Variants in GALC observed in about 807,000 individuals in gnomAD.
GALC encodes galactosylceramidase.
GALC carries 77 observed loss-of-function variants against 91.8 expected under a neutral mutation model. The ratio of observed to expected loss-of-function variants is 0.84; its 90% CI spans 0.70 to 1.01. GALC has a LOEUF of 1.01. GALC is among the 50% of genes least tolerant of loss of function. The pLI is 0.00. For missense variants in GALC, 882 were observed against 855.9 expected (o/e 1.03, Z -0.38); for synonymous variants, 357 against 306.7 (o/e 1.16, Z -1.71).
intron 16 of GALC, 79 bp downstream of exon 16, chr14:87,939,826 T>C (rs1275828027): frequency 2.0e-6 from 2 of 1,022,176 alleles, no homozygotes; most frequent in Non-Finnish European, 3.1e-6. Context: ...ACTTTCCCCC[T>C]CCTATTTTAT....
chr14:87,993,239 G>A (rs997796714), upstream of GALC: 15 of 1,543,358 alleles, frequency 9.7e-6, no homozygotes, highest in African/African-American at 1.6e-4. Context: ...GCAGGAGGCC[G>A]CTGATGCTGA....
chr14:87,941,481 T>C lies in GALC; in HGVS notation c.1748A>G (p.Asn583Ser). 1 of 1,605,226 alleles carries C rather than the reference T, an allele frequency of 6.2e-7. No individual in the cohort carries two copies. Among genetic ancestry groups the C allele is most frequent in the Non-Finnish European group, 8.5e-7 (1 of 1,172,278 alleles). ...ACTTCTAATCAAAATACCACCTTTA[T>C]TTACTCTTCCTGCAATGAACACACC... ...TGGVFIAGRVNKGGILIRSAR... is the reference protein window; with the variant it reads ...TGGVFIAGRVSKGGILIRSAR... The change falls in exon 15 of 17, where the codon AAT becomes AGT. Residue 583 changes from asparagine (N) to serine (S), a missense_variant. Transcript: ENST00000261304.
At position 87,993,019 on chromosome 14, in the gene GALC, T is replaced by A. The variant is rs758042794; in HGVS notation, c.146A>T (p.Asp49Val). ...GCCGTCGAACTCCCGGCCCAGCCCG[T>A]CGGAGTCGTCGAGCACGTACGCGCC... ...PGGAYVLDDS[D>V]GLGREFDGIG... Residue 49 changes from aspartate to valine, a missense_variant, in exon 1 of 17, where the codon GAC becomes GTC. Physicochemically the swap from Asp to Val is radical, Grantham distance 152. Transcript: ENST00000261304. 10 of 1,545,746 alleles carry A rather than the reference T, an allele frequency of 6.5e-6. No individual in the cohort carries two copies. In the South Asian group the frequency reaches 1.1e-4, roughly 16 times the overall value.
At chr14:87,953,019 G>C (rs1885376289) in intron 10 of GALC, 1 of 1,171,556 alleles carries the variant, frequency 8.5e-7, no homozygotes, top group Non-Finnish European at 1.3e-6. Flanking sequence ...AGCTATGTTG[G>C]ATTTGGTTTG....
chr14:87,961,737 C>T (rs1160789036), intron 10 of GALC, among the ~76,000 whole-genome samples: 1 of 152,124 alleles, frequency 6.6e-6, no homozygotes, highest in Non-Finnish European at 1.5e-5. Flanking sequence ...GAGATGCCTA[C>T]TCACTCTAAG....
intron 10 of GALC, chr14:87,954,580 A>G: frequency 6.3e-7 from 1 of 1,575,694 alleles, no homozygotes; most frequent in Non-Finnish European, 8.7e-7. Flanking sequence ...TTACATTTAA[A>G]GCAAAATTTC....
intron 10 of GALC, chr14:87,953,350 G>C: frequency 1.4e-6 from 2 of 1,420,182 alleles, no homozygotes; most frequent in Non-Finnish European, 2.0e-6. Flanking sequence ...AAGAATATCT[G>C]AAGAGAATTC....
chr14:87,944,915 T>G (rs761416693), intron 14 of GALC, among the ~76,000 whole-genome samples: 3 of 151,908 alleles, frequency 2.0e-5, no homozygotes, highest in Non-Finnish European at 4.4e-5. Context: ...ATACTAGTTA[T>G]AGGAAAAAAT....
chr14:87,973,464 T>A (rs775970918), intron 7 of GALC, among the ~76,000 whole-genome samples: 5 of 152,190 alleles, frequency 3.3e-5, no homozygotes, highest in Non-Finnish European at 4.4e-5. Context: ...AGGTGAAATG[T>A]AAACTAAGTT....
intron 10 of GALC, 119 bp from the exon 11 acceptor site, chr14:87,950,867 T>C: frequency 1.5e-6 from 1 of 647,094 alleles, no homozygotes; most frequent in Non-Finnish European, 2.8e-6. Flanking sequence ...ATAACAAATA[T>C]GAGTTTATTT....
chr14:87,934,921 G>T, intron 16 of GALC, 43 bp from the exon 17 acceptor site: 1 of 1,452,302 alleles, frequency 6.9e-7, no homozygotes, highest in Non-Finnish European at 9.7e-7. Context: ...ATATGAAAAT[G>T]GTCCTCTGAA....
At chr14:87,958,747 A>T (rs1437602485) in intron 10 of GALC, among the ~76,000 whole-genome samples, 1 of 152,200 alleles carries the variant, frequency 6.6e-6, no homozygotes, top group Non-Finnish European at 1.5e-5. Context: ...GCTAGGAAAA[A>T]GGACAGTCTC....
At chr14:87,954,123 T>C (rs1885419484) in intron 10 of GALC, 4 of 1,608,772 alleles carry the variant, frequency 2.5e-6, no homozygotes. Context: ...TGAAGAATAT[T>C]CCAGTGTAGT....
Position 87,949,673 on chromosome 14 carries a change from G to A in GALC, c.1338+172C>T, listed in dbSNP as rs3213916. Among the ~76,000 whole-genome samples, 48,540 of 151,658 alleles carry A rather than the reference G, an allele frequency of 0.32. 9,308 individuals carry two copies. Among genetic ancestry groups the A allele is most frequent in the East Asian group, 0.77 (3,925 of 5,096 alleles). ...GGGACTTAAATTTCCAACCTGGGAA[G>A]CCAGGTGATGGCGTCACCATCCACC... is the stretch of plus-strand genomic sequence containing the variant. On this transcript the variant is annotated intron_variant, in intron 12 of 16. Coordinates refer to ENST00000261304, the MANE Select transcript of GALC (RefSeq NM_000153.4).
At chr14:87,960,481 C>T (rs965647119) in intron 10 of GALC, among the ~76,000 whole-genome samples, 3 of 152,004 alleles carry the variant, frequency 2.0e-5, no homozygotes, top group Admixed American at 6.6e-5. Flanking sequence ...ACCATTATAC[C>T]ACATGTATGT....
chr14:87,934,804 G>A lies in GALC; in HGVS notation c.1986C>T (p.Gly662=). Residue 662 remains glycine, a synonymous_variant, in exon 17 of 17, where the codon GGC becomes GGT. Transcript: ENST00000261304. ...AGGAGTGAGTTCCAATTGCAGCCCA[G>A]CCATTCTTTGGAAAATTCACAGGGA... ...TDIPVNFPKN[G]WAAIGTHSFE... is the part of the protein sequence containing the mutation. The A allele has an allele frequency of 6.2e-7, 1 of 1,613,084 alleles. No homozygotes were observed. The highest frequency in any genetic ancestry group is 8.5e-7 in the Non-Finnish European group (1 of 1,179,328).
At chr14:87,954,420 C>G in intron 10 of GALC, 1 of 1,594,272 alleles carries the variant, frequency 6.3e-7, no homozygotes, top group South Asian at 1.1e-5. Context: ...CCTGGAGCAG[C>G]CTGGTACCCT....
upstream of GALC, chr14:87,993,286 T>A: frequency 1.3e-6 from 2 of 1,539,272 alleles, no homozygotes; most frequent in Non-Finnish European, 1.7e-6. Flanking sequence ...GTCAAGGGCC[T>A]CTGACGCAGC....
Position 87,993,090 on chromosome 14 carries a change from G to C in GALC, c.75C>G (p.Gly25=), listed in dbSNP as rs111976362. 6.3e-7 allele frequency: 1 copy of C among 1,577,780 alleles called. No individual in the cohort carries two copies. Among genetic ancestry groups the C allele is most frequent in the Middle Eastern group, 2.0e-4 (1 of 5,040 alleles). Residue 25 remains glycine, a synonymous_variant, in exon 1 of 17, where the codon GGC becomes GGG. Transcript: ENST00000261304. ...ACAGCAGCAAGGGCACCGCGGCGCG[G>C]CCCGCCGAACCCGCGGCCGCAGTCA... The part of the protein sequence containing the change: ...KAMTAAAGSA[G]RAAVPLLLCA...
Sources: allele counts gnomAD v4.1 joint callset (sites outside exome capture counted in the v4.1 genomes callset), GRCh38; gene constraint gnomAD v4.1.1; transcripts MANE v1.5; gene names NCBI Gene and HGNC (gene_info 2026-07-23, HGNC 2026-07-21).